Variants in PRKG1 observed in about 807,000 individuals in gnomAD.
PRKG1 encodes the protein cGMP-dependent protein kinase 1.
In PRKG1, 35 loss-of-function variants were observed where a neutral mutation model predicts 88.1. The observed-to-expected ratio is 0.40, with a 90% CI of 0.30 to 0.53. PRKG1 has a LOEUF of 0.53. Ranked by LOEUF, PRKG1 falls within the 20% of genes least tolerant of loss-of-function variation. The pLI is 0.59. For missense variants in PRKG1, 540 were observed against 839.8 expected, an observed-to-expected ratio of 0.64 and a Z score of 4.41; for synonymous variants, 303 against 292.5, an observed-to-expected ratio of 1.04 and a Z score of -0.37.
At chr10:51,665,824 C>T (rs554967565) in intron 3 of PRKG1, among the ~76,000 whole-genome samples, 10 of 151,770 alleles carry the variant, frequency 6.6e-5, no homozygotes, top group Non-Finnish European at 1.0e-4. Context: ...ATATTGTCAT[C>T]GACCTCAACG....
intron 3 of PRKG1, among the ~76,000 whole-genome samples, chr10:51,610,003 A>C (rs1003248606): frequency 6.6e-6 from 1 of 152,088 alleles, no homozygotes; most frequent in African/African-American, 2.4e-5. Flanking sequence ...TTAAAAAAAA[A>C]TTTTTTTGAT....
In PRKG1 at chr10:51,508,556, A is replaced by T. The variant is rs199617891; in HGVS notation, c.592+40720A>T. On this transcript the variant is annotated intron_variant, in intron 3 of 17. Coordinates refer to ENST00000373980, the MANE Select transcript of PRKG1 (RefSeq NM_006258.4). ...TTATCTTGTGAGAATGACTTTTTTT[A>T]AAAAAAAAACCTTAAATCTTTTGCT... 3.3e-3 allele frequency among the ~76,000 whole-genome samples: 442 copies of T among 134,800 alleles called. 5 individuals are homozygous for T. The highest frequency in any genetic ancestry group is 1.2e-3 in the Non-Finnish European group (69 of 57,222). 88.4% of individuals were successfully genotyped at this position (134,800 alleles called of 152,430 possible).
At chr10:51,285,722 T>G (rs1840422519) in intron 2 of PRKG1, among the ~76,000 whole-genome samples, 1 of 152,158 alleles carries the variant, frequency 6.6e-6, no homozygotes, top group African/African-American at 2.4e-5. Flanking sequence ...GTTTACATGT[T>G]AGAAAAGTTA....
At chr10:51,902,846 A>G (rs1465516128) in intron 4 of PRKG1, among the ~76,000 whole-genome samples, 1 of 152,212 alleles carries the variant, frequency 6.6e-6, no homozygotes, top group Non-Finnish European at 1.5e-5. Context: ...TACATGTGAA[A>G]TAATAAGTGA....
At chr10:51,528,705 A>G (rs573873838) in intron 3 of PRKG1, among the ~76,000 whole-genome samples, 17 of 152,280 alleles carry the variant, frequency 1.1e-4, no homozygotes, top group African/African-American at 3.4e-4. Flanking sequence ...TAACTCTTGC[A>G]GAGGGCTAAT....
At chr10:51,051,666 G>T (rs1486298748) in intron 1 of PRKG1, among the ~76,000 whole-genome samples, 2 of 152,050 alleles carry the variant, frequency 1.3e-5, no homozygotes, top group Non-Finnish European at 2.9e-5. Context: ...ATTGTTCATG[G>T]TTTTATTAGG....
intron 7 of PRKG1, among the ~76,000 whole-genome samples, chr10:52,064,066 G>T (rs952332928): frequency 6.6e-6 from 1 of 152,146 alleles, no homozygotes; most frequent in Admixed American, 6.5e-5. Flanking sequence ...GGCCCTCCCT[G>T]GTCTGAAGGT....
At chr10:51,641,641 A>G (rs1839803378) in intron 3 of PRKG1, among the ~76,000 whole-genome samples, 1 of 151,804 alleles carries the variant, frequency 6.6e-6, no homozygotes, top group African/African-American at 2.4e-5. Flanking sequence ...TGCAAAAGTA[A>G]TTGCGGTTGT....
At chr10:51,511,158 G>A (rs983393890) in intron 3 of PRKG1, among the ~76,000 whole-genome samples, 1 of 152,122 alleles carries the variant, frequency 6.6e-6, no homozygotes, top group Non-Finnish European at 1.5e-5. Context: ...TTGGACACAA[G>A]ATGTTGCTAG....
At chr10:51,883,198 T>G (rs916020244) in intron 4 of PRKG1, among the ~76,000 whole-genome samples, 9 of 152,204 alleles carry the variant, frequency 5.9e-5, no homozygotes, top group African/African-American at 1.9e-4. Flanking sequence ...AACTACAACT[T>G]ATACCATTAG....
intron 4 of PRKG1, among the ~76,000 whole-genome samples, chr10:51,857,181 A>G (rs142682892): frequency 4.5e-4 from 68 of 152,238 alleles, no homozygotes; most frequent in African/African-American, 1.6e-3. Flanking sequence ...TTGTTTCTTT[A>G]CAGATTTCTC....
intron 4 of PRKG1, among the ~76,000 whole-genome samples, chr10:51,902,332 T>G (rs1841998509): frequency 6.6e-6 from 1 of 152,188 alleles, no homozygotes; most frequent in East Asian, 1.9e-4. Flanking sequence ...GTCAGGCTGG[T>G]CTTGAACTCC....
At position 52,232,226 on chromosome 10, in the gene PRKG1, C is replaced by T. The variant is rs578020107; in HGVS notation, c.1077-19344C>T. On this transcript the variant is annotated intron_variant, in intron 9 of 17. Transcript: ENST00000373980. ...GCTGAGCCAGGAGAATTGCTCGAAC[C>T]CGGGAGGTGGAGGATGCAGTGAGCC... 2.6e-5 allele frequency among the ~76,000 whole-genome samples: 4 copies of T among 152,084 alleles called. No homozygotes were observed. The South Asian group carries it at 8.3e-4, about 32-fold the overall frequency.
chr10:51,894,971 A>T (rs1355255662), intron 4 of PRKG1, among the ~76,000 whole-genome samples: 1 of 152,214 alleles, frequency 6.6e-6, no homozygotes, highest in Non-Finnish European at 1.5e-5. Flanking sequence ...TGCTATAGTT[A>T]CGATGATAAG....
chr10:52,275,027 T>G (rs541743807), intron 12 of PRKG1, among the ~76,000 whole-genome samples: 11 of 152,280 alleles, frequency 7.2e-5, no homozygotes, highest in Non-Finnish European at 1.5e-4. Flanking sequence ...TTCATTGGAT[T>G]ATTTGTTTTT....
At chr10:51,391,168 C>G (rs980342688) in intron 2 of PRKG1, among the ~76,000 whole-genome samples, 2 of 152,172 alleles carry the variant, frequency 1.3e-5, no homozygotes, top group Non-Finnish European at 2.9e-5. Context: ...GAGTCCGAAA[C>G]AGAACTCTTT....
Position 52,290,255 on chromosome 10 carries a change from AG to A in PRKG1, c.1928del (p.Arg643LysfsTer5). On this transcript the variant is annotated frameshift_variant, in exon 17 of 18. Coordinates refer to ENST00000373980, the MANE Select transcript of PRKG1 (RefSeq NM_006258.4). LOFTEE classifies it high-confidence loss of function. ...WFEGFNWEGL[R>X]KGTLTPPIIP... The stretch of plus-strand genomic sequence containing the variant: ...TGAGGGCTTTAACTGGGAAGGCTTA[AG>A]AAAAGGTACCTTGACACCTCCTATA... 1 of 1,613,148 alleles carries A rather than the reference AG, an allele frequency of 6.2e-7. No individual in the cohort carries two copies. The highest frequency in any genetic ancestry group is 8.5e-7 in the Non-Finnish European group (1 of 1,179,438).
intron 2 of PRKG1, among the ~76,000 whole-genome samples, chr10:51,211,569 A>G (rs1056288224): frequency 3.3e-5 from 5 of 152,200 alleles, no homozygotes; most frequent in Admixed American, 3.3e-4. Context: ...AGAAAACCCC[A>G]TCGTCTCAGC....
At chr10:51,752,827 G>C (rs972311135) in intron 3 of PRKG1, among the ~76,000 whole-genome samples, 1 of 152,080 alleles carries the variant, frequency 6.6e-6, no homozygotes, top group Non-Finnish European at 1.5e-5. Flanking sequence ...GCAGAAAACA[G>C]TACCCTTAAA....
Sources: allele counts gnomAD v4.1 joint callset (sites outside exome capture counted in the v4.1 genomes callset), GRCh38; gene constraint gnomAD v4.1.1; transcripts MANE v1.5; gene names NCBI Gene and HGNC (gene_info 2026-07-23, HGNC 2026-07-21).